CSMD1: variants seen among roughly 807,000 people sequenced by gnomAD.
CSMD1 encodes the protein CUB and Sushi multiple domains 1.
A neutral mutation model predicts 417.5 loss-of-function variants in CSMD1; 213 were observed. The ratio of observed to expected loss-of-function variants is 0.51; its 90% confidence interval spans 0.46 to 0.57. The LOEUF (loss-of-function observed/expected upper bound fraction) is 0.57. Among genes scored for constraint, CSMD1 ranks in the 20% least tolerant of loss-of-function variants. The pLI, the probability that CSMD1 is intolerant of heterozygous loss-of-function variation, is 0.00. For synonymous variants in CSMD1, 2,862 were observed against 1,736.8 expected (o/e 1.65, Z -16.11); for missense variants, 6,923 against 4,529.7 (o/e 1.53, Z -15.17).
At chr8:4,459,122 G>C (rs958166443) in intron 2 of CSMD1, among the ~76,000 whole-genome samples, 2 of 152,188 alleles carry the variant, frequency 1.3e-5, no homozygotes, top group African/African-American at 4.8e-5. Context: ...AGGAGGGTCA[G>C]GCCACCATCC....
chr8:3,767,159 G>T (rs189822368), intron 5 of CSMD1, among the ~76,000 whole-genome samples: 1 of 152,314 alleles, frequency 6.6e-6, no homozygotes, highest in East Asian at 1.9e-4. Flanking sequence ...GTCTGTCTGT[G>T]CTGTGCTTCT....
At chr8:4,966,124 G>T (rs185947334) in intron 1 of CSMD1, among the ~76,000 whole-genome samples, 1 of 151,478 alleles carries the variant, frequency 6.6e-6, no homozygotes, top group East Asian at 1.9e-4. Context: ...CGCACTTTGG[G>T]AGGCCGAGGC....
chr8:4,362,388 T>A (rs1349948589), intron 3 of CSMD1, among the ~76,000 whole-genome samples: 1 of 150,142 alleles, frequency 6.7e-6, no homozygotes, highest in Non-Finnish European at 1.5e-5. Flanking sequence ...CAGCAGAGCC[T>A]GGGGACAGAG....
At chr8:3,914,339 T>C (rs1035959387) in intron 5 of CSMD1, among the ~76,000 whole-genome samples, 8 of 151,774 alleles carry the variant, frequency 5.3e-5, no homozygotes, top group Admixed American at 6.6e-5. Context: ...GCCTAGAGGG[T>C]ATCAGGATGT....
intron 5 of CSMD1, among the ~76,000 whole-genome samples, chr8:3,833,767 T>G (rs1317316373): frequency 1.3e-5 from 2 of 152,276 alleles, no homozygotes; most frequent in Admixed American, 1.3e-4. Flanking sequence ...TGGCCCTGGT[T>G]CTCTTCTCTT....
chr8:3,377,893 G>A (rs1050953647), intron 18 of CSMD1, among the ~76,000 whole-genome samples: 14 of 152,158 alleles, frequency 9.2e-5, no homozygotes, highest in Non-Finnish European at 1.9e-4. Flanking sequence ...GTAAACACAT[G>A]TTATATTATC....
intron 5 of CSMD1, among the ~76,000 whole-genome samples, chr8:3,943,359 TAAA>T (rs35048709): frequency 7.2e-6 from 1 of 138,122 alleles, no homozygotes; most frequent in South Asian, 2.3e-4. Context: ...TCAATTTTGT[TAAA>T]AAAAAAAAAG....
intron 54 of CSMD1, among the ~76,000 whole-genome samples, chr8:2,988,599 A>C (rs1054934903): frequency 1.3e-5 from 2 of 152,210 alleles, no homozygotes; most frequent in Non-Finnish European, 1.5e-5. Flanking sequence ...TCTCAAAATA[A>C]ACCTGAAGAT....
intron 5 of CSMD1, among the ~76,000 whole-genome samples, chr8:3,900,337 G>A (rs996670823): frequency 9.9e-5 from 15 of 151,912 alleles, no homozygotes; most frequent in Non-Finnish European, 1.9e-4. Flanking sequence ...CACTACAGCT[G>A]GGTGACAGTG....
intron 62 of CSMD1, among the ~76,000 whole-genome samples, chr8:2,960,410 T>G (rs1029396272): frequency 1.3e-5 from 2 of 152,190 alleles, no homozygotes; most frequent in African/African-American, 2.4e-5. Flanking sequence ...GGTTTTTTAT[T>G]CTTAATTGAT....
At chr8:3,445,635 G>T (rs2117080110) in intron 12 of CSMD1, among the ~76,000 whole-genome samples, 1 of 152,216 alleles carries the variant, frequency 6.6e-6, no homozygotes, top group Admixed American at 6.5e-5. Flanking sequence ...ATTCACTTGG[G>T]AGACAGCTGT....
At chr8:3,647,554 G>A (rs979242517) in intron 7 of CSMD1, among the ~76,000 whole-genome samples, 2 of 152,124 alleles carry the variant, frequency 1.3e-5, no homozygotes, top group Non-Finnish European at 2.9e-5. Flanking sequence ...GACAAATACA[G>A]CATAAAGAGA....
chr8:3,830,543 C>T (rs1245394133), intron 5 of CSMD1, among the ~76,000 whole-genome samples: 1 of 152,174 alleles, frequency 6.6e-6, no homozygotes, highest in Non-Finnish European at 1.5e-5. Context: ...TCAAAGACCT[C>T]CTGGCATGTA....
In CSMD1 at chr8:4,406,335, C is replaced by G. The variant is rs922594695; in HGVS notation, c.415+13618G>C. On this transcript the variant is annotated intron_variant, in intron 3 of 69. Transcript: ENST00000635120. ...CTTCCAGTTGTGAATTCAACACACT[C>G]AAAATGACAGAATTTAGGGAAAGAG... Among the ~76,000 whole-genome samples the G allele has an allele frequency of 2.0e-5, 3 of 152,016 alleles. No homozygotes were observed. The East Asian group carries it at 5.8e-4, about 29-fold the overall frequency.
intron 48 of CSMD1, among the ~76,000 whole-genome samples, chr8:3,090,769 G>C (rs1002366501): frequency 6.6e-6 from 1 of 152,176 alleles, no homozygotes; most frequent in African/African-American, 2.4e-5. Context: ...GAAAAGTTTA[G>C]ATTTTCTGCT....
intron 5 of CSMD1, among the ~76,000 whole-genome samples, chr8:3,940,900 T>G (rs1027413273): frequency 6.6e-6 from 1 of 151,212 alleles, no homozygotes; most frequent in Non-Finnish European, 1.5e-5. Flanking sequence ...CCCCCCGAGA[T>G]TATGTCTACA....
chr8:4,444,413 G>C (rs1389746280), intron 2 of CSMD1, among the ~76,000 whole-genome samples: 5 of 147,356 alleles, frequency 3.4e-5, no homozygotes, highest in African/African-American at 1.3e-4. Context: ...TGAATGTGGT[G>C]CTCAAAAATG....
At chr8:4,471,021 G>T (rs928922394) in intron 2 of CSMD1, among the ~76,000 whole-genome samples, 3 of 152,124 alleles carry the variant, frequency 2.0e-5, no homozygotes, top group African/African-American at 4.8e-5. Flanking sequence ...AGGATTCTAT[G>T]AAATATCTTT....
chr8:3,753,960 G>C lies in CSMD1; in HGVS notation c.901C>G (p.Arg301Gly). 6.2e-7 allele frequency: 1 copy of C among 1,612,394 alleles called. No individual in the cohort carries two copies. Among genetic ancestry groups the C allele is most frequent in the South Asian group, 1.1e-5 (1 of 91,010 alleles). The change falls in exon 6 of 70, where the codon CGA becomes GGA. Residue 301 changes from arginine to glycine, a missense_variant. Physicochemically the swap from Arg to Gly is moderately radical, Grantham distance 125. Transcript: ENST00000635120. Reference sequence around the variant, plus strand: ...AACTGAGCGTTAAATCCTTTGCGTCGGTGGTTGCTGTCAGAGGTGAAATGG... The same window carrying C: ...AACTGAGCGTTAAATCCTTTGCGTCCGTGGTTGCTGTCAGAGGTGAAATGG... Reference protein sequence around the residue: ...RLHFTSDSNHRRKGFNAQFQV... With the variant: ...RLHFTSDSNHGRKGFNAQFQV...
Sources: allele counts gnomAD v4.1 joint callset (sites outside exome capture counted in the v4.1 genomes callset), GRCh38; gene constraint gnomAD v4.1.1; transcripts MANE v1.5; gene names NCBI Gene and HGNC (gene_info 2026-07-23, HGNC 2026-07-21).